The following EPB41L5 variants were observed in gnomAD, a reference collection of about 807,000 sequenced individuals.
The protein encoded by EPB41L5 is erythrocyte membrane protein band 4.1 like 5, also known as band 4.1-like protein 5.
A neutral mutation model predicts 106.6 loss-of-function variants in EPB41L5; 55 were observed. The observed-to-expected ratio is 0.52, with a 90% CI of 0.42 to 0.65. EPB41L5 has a LOEUF of 0.65. EPB41L5 is among the 30% of genes least tolerant of loss of function. The pLI is 0.00. For synonymous variants in EPB41L5, 297 were observed against 306.7 expected (o/e 0.97, Z 0.33); for missense variants, 871 against 882.1 (o/e 0.99, Z 0.16).
intron 9 of EPB41L5, among the ~76,000 whole-genome samples, chr2:120,078,059 G>A (rs567947185): frequency 5.3e-4 from 81 of 152,242 alleles, no homozygotes; most frequent in Non-Finnish European, 8.7e-4. Context: ...GGGGAAGTCC[G>A]TCTCCATGAT....
At chr2:120,099,078 G>A (rs1226912712) in intron 14 of EPB41L5, among the ~76,000 whole-genome samples, 4 of 152,304 alleles carry the variant, frequency 2.6e-5, no homozygotes, top group East Asian at 1.9e-4. Context: ...ATAGGGGATC[G>A]ATTGCATTTC....
chr2:120,111,449 G>C (rs772808925), intron 16 of EPB41L5, among the ~76,000 whole-genome samples: 23 of 152,188 alleles, frequency 1.5e-4, no homozygotes, highest in Non-Finnish European at 2.4e-4. Flanking sequence ...AACACTGGAA[G>C]TGAGGTCCAG....
intron 1 of EPB41L5, among the ~76,000 whole-genome samples, chr2:120,015,717 A>T (rs1403827841): frequency 6.6e-6 from 1 of 151,690 alleles, no homozygotes; most frequent in African/African-American, 2.4e-5. Context: ...GGTGGGAGGA[A>T]TCCGATTCCC....
intron 3 of EPB41L5, among the ~76,000 whole-genome samples, chr2:120,046,284 T>G (rs528549625): frequency 1.3e-5 from 2 of 152,136 alleles, no homozygotes; most frequent in Admixed American, 6.6e-5. Flanking sequence ...CAGTGTAAAA[T>G]TGTTCCTATG....
chr2:120,131,225 C>T (rs770134971), intron 17 of EPB41L5, among the ~76,000 whole-genome samples: 1 of 152,266 alleles, frequency 6.6e-6, no homozygotes, highest in Non-Finnish European at 1.5e-5. Flanking sequence ...TCAGGGCCAA[C>T]GAACAAAGAT....
intron 3 of EPB41L5, 135 bp from the exon 4 acceptor site, chr2:120,073,043 C>T: frequency 8.9e-6 from 6 of 675,050 alleles, no homozygotes; most frequent in Non-Finnish European, 1.5e-5. Context: ...TTTTCTCATT[C>T]ACTTGGGTTT....
intron 16 of EPB41L5, chr2:120,105,232 A>G (rs949855216): frequency 1.0e-6 from 1 of 983,570 alleles, no homozygotes; most frequent in Non-Finnish European, 1.2e-6. Context: ...TGATAGGAAA[A>G]CATGTTAAGG....
At chr2:120,024,122 A>G (rs1434977163) in intron 2 of EPB41L5, among the ~76,000 whole-genome samples, 2 of 152,188 alleles carry the variant, frequency 1.3e-5, no homozygotes, top group East Asian at 1.9e-4. Flanking sequence ...GTCATCTGCA[A>G]ACAGAGGCAA....
chr2:120,030,686 T>G (rs1678646903), intron 2 of EPB41L5, among the ~76,000 whole-genome samples: 1 of 151,406 alleles, frequency 6.6e-6, no homozygotes, highest in South Asian at 2.1e-4. Flanking sequence ...CCCGAGTAGC[T>G]AGGATTACAG....
chr2:120,071,400 A>C (rs1681855431), intron 3 of EPB41L5, among the ~76,000 whole-genome samples: 1 of 152,216 alleles, frequency 6.6e-6, no homozygotes, highest in Non-Finnish European at 1.5e-5. Context: ...AAATGGCCAT[A>C]CTGCTCAAAG....
chr2:120,046,501 G>GTT (rs1181099614), intron 3 of EPB41L5, among the ~76,000 whole-genome samples: 2 of 148,262 alleles, frequency 1.3e-5, no homozygotes, highest in Non-Finnish European at 1.5e-5. Context: ...TTTTGATGGG[G>GTT]TTGTTTTTTT....
At chr2:120,073,888 AGCTGTCTAT>A (rs2105320072) in intron 4 of EPB41L5, among the ~76,000 whole-genome samples, 1 of 152,292 alleles carries the variant, frequency 6.6e-6, no homozygotes, top group African/African-American at 2.4e-5. Flanking sequence ...ATTAATCTAT[AGCTGTCTAT>A]TCTTGGGATG....
intron 10 of EPB41L5, among the ~76,000 whole-genome samples, chr2:120,084,836 T>C (rs1036050631): frequency 5.3e-5 from 8 of 152,182 alleles, no homozygotes; most frequent in African/African-American, 1.9e-4. Flanking sequence ...TTTTACTCTT[T>C]TTTTCTCTAA....
intron 1 of EPB41L5, among the ~76,000 whole-genome samples, chr2:120,015,259 A>G (rs1324082045): frequency 3.3e-5 from 5 of 151,610 alleles, no homozygotes; most frequent in African/African-American, 1.2e-4. Flanking sequence ...CCCGGGAGGC[A>G]GATCTTGCAG....
At chr2:120,157,587 T>C (rs1431289236) in intron 20 of EPB41L5, among the ~76,000 whole-genome samples, 2 of 151,908 alleles carry the variant, frequency 1.3e-5, no homozygotes, top group African/African-American at 4.8e-5. Context: ...CTGACCAACA[T>C]GGCAAAACTC....
intron 18 of EPB41L5, among the ~76,000 whole-genome samples, chr2:120,134,152 T>C (rs1015379031): frequency 4.0e-5 from 6 of 151,868 alleles, no homozygotes; most frequent in African/African-American, 1.5e-4. Context: ...GCTTCAGGTG[T>C]GACCCAGGGC....
intron 4 of EPB41L5, 96 bp downstream of exon 4, chr2:120,073,316 G>T (rs1682007428): frequency 1.5e-5 from 16 of 1,085,896 alleles, no homozygotes; most frequent in Non-Finnish European, 1.8e-5. Flanking sequence ...TGTTTCAGAT[G>T]AGTTTTTTAG....
intron 3 of EPB41L5, among the ~76,000 whole-genome samples, chr2:120,062,371 G>T (rs2105286310): frequency 6.6e-6 from 1 of 152,238 alleles, no homozygotes; most frequent in South Asian, 2.1e-4. Context: ...AATTTTTCAG[G>T]AAAACTCCTG....
At chr2:120,048,853 C>T in intron 3 of EPB41L5, among the ~76,000 whole-genome samples, 1 of 152,258 alleles carries the variant, frequency 6.6e-6, no homozygotes, top group South Asian at 2.1e-4. Context: ...CCCAGAGATT[C>T]TGGTATGTTG....
Sources: gnomAD v4.1 joint callset for allele counts (sites outside exome capture counted in the v4.1 genomes callset) on GRCh38, gnomAD v4.1.1 for gene constraint, MANE v1.5 for transcripts, NCBI Gene and HGNC (gene_info 2026-07-23, HGNC 2026-07-21) for gene names.